Variants in PANX2 observed in about 807,000 individuals in gnomAD.
The protein encoded by PANX2 is pannexin 2, also known as pannexin-2.
Under a neutral mutation model 38.7 loss-of-function variants are expected in PANX2, and 30 were observed. That is an observed-to-expected ratio of 0.78 (90% confidence interval 0.58 to 1.05). The LOEUF is 1.05. Among genes scored for constraint, PANX2 ranks in the 50% least tolerant of loss-of-function variants. PANX2 has a pLI of 0.00. For missense variants in PANX2, 880 were observed against 979.3 expected, an observed-to-expected ratio of 0.90 and a Z score of 1.35; for synonymous variants, 539 against 472.1, an observed-to-expected ratio of 1.14 and a Z score of -1.84.
At position 50,179,146 on chromosome 22, in the gene PANX2, C is replaced by T. The variant is rs751270520; in HGVS notation, c.1903C>T (p.Arg635Trp). 1.9e-6 allele frequency: 3 copies of T among 1,611,470 alleles called. No homozygotes were observed. Among genetic ancestry groups the T allele is most frequent in the Non-Finnish European group, 2.5e-6 (3 of 1,179,658 alleles). The change falls in exon 3 of 3, where the codon CGG becomes TGG. Residue 635 changes from arginine to tryptophan, a missense_variant. Arg to Trp is a moderately radical substitution (Grantham distance 101, BLOSUM62 -3). Coordinates refer to ENST00000395842, the MANE Select transcript of PANX2 (RefSeq NM_052839.4). ...LLHINTLYEA[R>W]EEEDGGPRLP... ...GCACATCAACACGCTGTACGAGGCC[C>T]GGGAGGAGGAGGACGGGGGCCCCCG...
At chr22:50,171,106 C>T (rs1408255391) in intron 1 of PANX2, 150 bp downstream of exon 1, 1 of 379,196 alleles carries the variant, frequency 2.6e-6, no homozygotes, top group Non-Finnish European at 4.8e-6. Context: ...CCTTCCACAG[C>T]CGCCCCCATC....
At chr22:50,174,673 A>G (rs1182896971) in intron 1 of PANX2, among the ~76,000 whole-genome samples, 1 of 152,180 alleles carries the variant, frequency 6.6e-6, no homozygotes, top group Non-Finnish European at 1.5e-5. Flanking sequence ...CCGTTTGGAC[A>G]CCTGCACTGG....
Position 50,178,055 on chromosome 22 carries a change from C to A in PANX2, c.1343C>A (p.Ala448Asp). ...CCGCAGCCCTTCAAGGAGCCGCTGGCCATCATGCGCGTGGAGAACAGCAAG... is the reference window on the plus strand; with the variant it reads ...CCGCAGCCCTTCAAGGAGCCGCTGGACATCATGCGCGTGGAGAACAGCAAG... ...PLPQPFKEPL[A>D]IMRVENSKAE... Residue 448 changes from alanine (A) to aspartate (D), a missense_variant, in exon 2 of 3, where the codon GCC becomes GAC. Around this residue, in one of 4 missense-constraint regions of PANX2, gnomAD observed 445 missense variants for 404.3 expected, o/e 1.10. Transcript: ENST00000395842. 6.4e-7 allele frequency: 1 copy of A among 1,552,960 alleles called. No homozygotes were observed. The highest frequency in any genetic ancestry group is 2.4e-5 in the East Asian group (1 of 41,974).
chr22:50,174,873 C>T (rs529459593), intron 1 of PANX2, among the ~76,000 whole-genome samples: 5 of 152,322 alleles, frequency 3.3e-5, no homozygotes, highest in African/African-American at 7.2e-5. Flanking sequence ...CAGCATCCAC[C>T]GGGAAAGGCC....
At position 50,177,531 on chromosome 22, in the gene PANX2, C is replaced by A; in HGVS notation, c.819C>A (p.Pro273=). 1 of 1,610,252 alleles carries A rather than the reference C, an allele frequency of 6.2e-7. No individual in the cohort carries two copies. The highest frequency in any genetic ancestry group is 8.5e-7 in the Non-Finnish European group (1 of 1,178,768). The change falls in exon 2 of 3, where the codon CCC becomes CCA. Residue 273 remains proline, a synonymous_variant. Coordinates refer to ENST00000395842, the MANE Select transcript of PANX2 (RefSeq NM_052839.4). ...CGGACGGGGCGGCAGGTGCGGGGCC[C>A]GCGGTGCGCGTGAGCTGCAAGCTCC... ...ASPDGAAGAG[P]AVRVSCKLPS...
chr22:50,178,204 G>GCCCCCCCCC lies in PANX2; in HGVS notation c.1497_1498insCCCCCCCCC (p.Pro499_Ala500insProProPro). ...CGACCCGGGCCCCGGCCCCGCCCCT[G>GCCCCCCCCC]CCCCCGCCCCGCCGCCCGCCCCTGA... On this transcript the variant is annotated inframe_insertion, in exon 2 of 3. Coordinates refer to ENST00000395842, the MANE Select transcript of PANX2 (RefSeq NM_052839.4). 2 of 1,319,958 alleles carry GCCCCCCCCC rather than the reference G, an allele frequency of 1.5e-6. No individual in the cohort carries two copies. The highest frequency in any genetic ancestry group is 1.6e-5 in the South Asian group (1 of 64,428). 81.8% of individuals were successfully genotyped at this position (1,319,958 alleles called of 1,614,324 possible).
At chr22:50,173,041 C>CAT (rs2063641713) in intron 1 of PANX2, among the ~76,000 whole-genome samples, 1 of 151,944 alleles carries the variant, frequency 6.6e-6, no homozygotes, top group East Asian at 1.9e-4. Flanking sequence ...GGACTACAGG[C>CAT]GCCCGCCACC....
In PANX2 at chr22:50,177,369, C is replaced by T; in HGVS notation, c.657C>T (p.Arg219=). 6.2e-7 allele frequency: 1 copy of T among 1,609,728 alleles called. No individual in the cohort carries two copies. The highest frequency in any genetic ancestry group is 8.5e-7 in the Non-Finnish European group (1 of 1,178,412). Residue 219 remains arginine, a synonymous_variant, in exon 2 of 3, where the codon CGC becomes CGT. Coordinates refer to ENST00000395842, the MANE Select transcript of PANX2 (RefSeq NM_052839.4). ...LFEKYLERRG[R]SNFLAKLYLA... The stretch of plus-strand genomic sequence containing the variant: ...AGAAGTACCTGGAGCGCCGCGGCCG[C>T]AGCAACTTCCTGGCCAAGCTGTACC...
At chr22:50,176,240 AAC>A (rs947568820) in intron 1 of PANX2, among the ~76,000 whole-genome samples, 5 of 152,244 alleles carry the variant, frequency 3.3e-5, no homozygotes, top group Middle Eastern at 3.2e-3. Context: ...CTTGAGGGAA[AAC>A]ACAGAGTTCA....
Position 50,170,800 on chromosome 22 carries a change from C to T in PANX2, c.70C>T (p.Leu24=). The T allele has an allele frequency of 6.9e-7, 1 of 1,452,640 alleles. No individual in the cohort carries two copies. Among genetic ancestry groups the T allele is most frequent in the Middle Eastern group, 2.1e-4 (1 of 4,722 alleles). The allele number at this position is 1,452,640 out of a possible 1,614,324, so 90.0% of individuals were successfully genotyped here. A position where few individuals can be genotyped will look rare whatever the true frequency, so the allele number is the denominator to read the frequency against. The change falls in exon 1 of 3, where the codon CTG becomes TTG. Residue 24 remains leucine (L), a synonymous_variant. Coordinates refer to ENST00000395842, the MANE Select transcript of PANX2 (RefSeq NM_052839.4). ...GCTGGCGGGAGAGAAGCTGCGGGAG[C>T]TGATCCTGCCGGGCGCGCAGGACGA... ...ALLAGEKLRE[L]ILPGAQDDKA...
At position 50,178,981 on chromosome 22, in the gene PANX2, C is replaced by A; in HGVS notation, c.1738C>A (p.Arg580=). ...KEIPYPTEPA[R]AGLPSGGPFH... ...AATCCCGTACCCCACAGAGCCAGCC[C>A]GGGCAGGGCTTCCCTCGGGGGGCCC... The change falls in exon 3 of 3, where the codon CGG becomes AGG. Residue 580 remains arginine, a synonymous_variant. Coordinates refer to ENST00000395842, the MANE Select transcript of PANX2 (RefSeq NM_052839.4). 6.2e-7 allele frequency: 1 copy of A among 1,606,166 alleles called. No homozygotes were observed. Among genetic ancestry groups the A allele is most frequent in the Non-Finnish European group, 8.5e-7 (1 of 1,175,912 alleles).
rs369529719 is a variant in PANX2, at chr22:50,178,083, G to T, written c.1371G>T (p.Ala457=). 125 of 1,552,978 alleles carry T rather than the reference G, an allele frequency of 8.0e-5. No individual in the cohort carries two copies. In the African/African-American group the frequency reaches 1.6e-3, roughly 20 times the overall value. The change falls in exon 2 of 3, where the codon GCG becomes GCT. Residue 457 remains alanine (A), a synonymous_variant. Transcript: ENST00000395842. ...LAIMRVENSK[A]EKPKPARRKT... The stretch of plus-strand genomic sequence containing the variant: ...TCATGCGCGTGGAGAACAGCAAGGC[G>T]GAGAAGCCGAAGCCCGCGCGCAGGA...
chr22:50,170,971 C>A lies in PANX2; in HGVS notation c.226+15C>A. 1 of 1,376,286 alleles carries A rather than the reference C, an allele frequency of 7.3e-7. No homozygotes were observed. The allele number at this position is 1,376,286 out of a possible 1,614,324, so 85.3% of individuals were successfully genotyped here. A position where few individuals can be genotyped will look rare whatever the true frequency, so the allele number is the denominator to read the frequency against. ...GAACTTCGCAGGTGAGGCCGGCGGC[C>A]GGGGCGCGGGGCGCGGGCAGAGGGG... On this transcript the variant is annotated intron_variant, in intron 1 of 2. Transcript: ENST00000395842.
At chr22:50,173,434 G>A (rs2063645434) in intron 1 of PANX2, among the ~76,000 whole-genome samples, 1 of 152,270 alleles carries the variant, frequency 6.6e-6, no homozygotes, top group Admixed American at 6.5e-5. Flanking sequence ...ATCATCCTTG[G>A]AGGGCCGAGC....
chr22:50,173,405 G>C (rs927161537), intron 1 of PANX2, among the ~76,000 whole-genome samples: 2 of 152,258 alleles, frequency 1.3e-5, no homozygotes, highest in African/African-American at 4.8e-5. Flanking sequence ...CCTATGGGCT[G>C]GTTCCTCTTT....
chr22:50,178,369 T>G lies in PANX2; in HGVS notation c.1657T>G (p.Cys553Gly), dbSNP rs1488443276. The G allele has an allele frequency of 6.8e-7, 1 of 1,473,610 alleles. No homozygotes were observed. Among genetic ancestry groups the G allele is most frequent in the East Asian group, 2.6e-5 (1 of 37,904 alleles). The allele number at this position is 1,473,610 out of a possible 1,614,324, so 91.3% of individuals were successfully genotyped here. ...EGGFLSQAEDCGLGLAPAPIK... is the reference protein window; with the variant it reads ...EGGFLSQAEDGGLGLAPAPIK... ...GGGCTTCCTGTCCCAGGCGGAGGAC[T>G]GTGGGCTAGGCCTGGCCCCGGCGCC... is the stretch of plus-strand genomic sequence containing the variant. The change falls in exon 2 of 3, where the codon TGT becomes GGT. Residue 553 changes from cysteine to glycine, a missense_variant. Around this residue, in one of 4 missense-constraint regions of PANX2, gnomAD observed 445 missense variants for 404.3 expected, o/e 1.10. Coordinates refer to ENST00000395842, the MANE Select transcript of PANX2 (RefSeq NM_052839.4).
rs2063686599 is a variant in PANX2, at chr22:50,179,449, G to A, written c.*172G>A. ...GCCTTCGCCCCCACGTGCTCGACAG[G>A]GGAACCCGCCCGGACGGCATCGCCA... is the stretch of plus-strand genomic sequence containing the variant. On this transcript the variant is annotated 3_prime_UTR_variant, in exon 3 of 3. Transcript: ENST00000395842. 1 of 635,208 alleles carries A rather than the reference G, an allele frequency of 1.6e-6. No homozygotes were observed. The allele number at this position is 635,208 out of a possible 1,614,324, so 39.3% of individuals were successfully genotyped here. A position where few individuals can be genotyped will look rare whatever the true frequency, so the allele number is the denominator to read the frequency against.
At chr22:50,175,456 G>A (rs1394986661) in intron 1 of PANX2, 1 of 1,300,274 alleles carries the variant, frequency 7.7e-7, no homozygotes, top group African/African-American at 1.5e-5. Flanking sequence ...TCTGGCTCCT[G>A]GGATTGGCTG....
At chr22:50,174,083 C>T (rs773791731) in intron 1 of PANX2, among the ~76,000 whole-genome samples, 13 of 152,176 alleles carry the variant, frequency 8.5e-5, no homozygotes, top group Non-Finnish European at 1.8e-4. Flanking sequence ...GGCCTGGCCT[C>T]GGCTGAGGGC....
Sources: gnomAD v4.1 joint callset for allele counts (sites outside exome capture counted in the v4.1 genomes callset) on GRCh38, gnomAD v4.1.1 for gene constraint, gnomAD v4.1.1 regional missense constraint, MANE v1.5 for transcripts, NCBI Gene and HGNC (gene_info 2026-07-23, HGNC 2026-07-21) for gene names.